TCF4: variants seen among roughly 807,000 people sequenced by gnomAD.
TCF4 encodes the protein SL3-3 enhancer factor 2.
A neutral mutation model predicts 82.1 loss-of-function variants in TCF4; 3 were observed. That is an observed-to-expected ratio of 0.04 (90% CI 0.02 to 0.09). The LOEUF (loss-of-function observed/expected upper bound fraction) is 0.09. Ranked by LOEUF, TCF4 falls within the 10% of genes least tolerant of loss-of-function variation. The pLI is 1.00. For missense variants in TCF4, 518 were observed against 852.7 expected (o/e 0.61, Z 4.89); for synonymous variants, 276 against 309.6 (o/e 0.89, Z 1.14).
At chr18:55,549,492 C>T (rs2097239422) in intron 3 of TCF4, among the ~76,000 whole-genome samples, 1 of 152,046 alleles carries the variant, frequency 6.6e-6, no homozygotes, top group South Asian at 2.1e-4. Flanking sequence ...ATTTTATAAG[C>T]TTTTTTTACT....
intron 3 of TCF4, among the ~76,000 whole-genome samples, chr18:55,577,082 TTATATATACATTTATATATTTATATATG>T (rs1555777067): frequency 6.8e-5 from 10 of 146,200 alleles, no homozygotes; most frequent in African/African-American, 1.2e-4. Flanking sequence ...TATATATATA[TTATATATACATTTATATATTTATATATG>T]TATATATACA....
chr18:55,382,502 T>C (rs1047783950), intron 6 of TCF4, among the ~76,000 whole-genome samples: 1 of 152,084 alleles, frequency 6.6e-6, no homozygotes, highest in African/African-American at 2.4e-5. Flanking sequence ...AAAAAAGTCT[T>C]AGAATTAATT....
chr18:55,351,469 C>A, intron 6 of TCF4, among the ~76,000 whole-genome samples: 1 of 151,930 alleles, frequency 6.6e-6, no homozygotes, highest in African/African-American at 2.4e-5. Flanking sequence ...CTCTCTGTAC[C>A]GCATATCATG....
chr18:55,264,589 ATTTTTTT>A (rs752566917), intron 11 of TCF4: 5 of 141,790 alleles, frequency 3.5e-5, no homozygotes, highest in African/African-American at 1.3e-4. Flanking sequence ...AAGTGGCAGA[ATTTTTTT>A]TTTTTTTTTG....
intron 8 of TCF4, among the ~76,000 whole-genome samples, chr18:55,330,453 C>T (rs765014335): frequency 2.2e-4 from 33 of 151,868 alleles, no homozygotes; most frequent in African/African-American, 7.3e-5. Context: ...GCTGGGATTA[C>T]AAGTGTTAGC....
At chr18:55,504,044 G>A (rs2096727889) in intron 3 of TCF4, among the ~76,000 whole-genome samples, 1 of 152,118 alleles carries the variant, frequency 6.6e-6, no homozygotes, top group Non-Finnish European at 1.5e-5. Flanking sequence ...ACTCCAGCCT[G>A]GGCAACAGAC....
At position 55,225,538 on chromosome 18, in the gene TCF4, T is replaced by C. The variant is rs769103257; in HGVS notation, c.*2497A>G. ...GATCAGAGTATACCTGCTTCCTATATAATATTGTTCCTAGGGATACCCGCC... is the reference window on the plus strand; with the variant it reads ...GATCAGAGTATACCTGCTTCCTATACAATATTGTTCCTAGGGATACCCGCC... On this transcript the variant is annotated 3_prime_UTR_variant, in exon 20 of 20. Coordinates refer to ENST00000354452, the MANE Select transcript of TCF4 (RefSeq NM_001083962.2). The C allele has an allele frequency of 6.6e-6, 1 of 152,552 alleles. No individual in the cohort carries two copies. Among genetic ancestry groups the C allele is most frequent in the Non-Finnish European group, 1.5e-5 (1 of 67,972 alleles). The allele number at this position is 152,552 out of a possible 1,614,324, so 9.4% of individuals were successfully genotyped here.
chr18:55,314,160 AG>A (rs1173393912), intron 8 of TCF4, among the ~76,000 whole-genome samples: 1 of 152,134 alleles, frequency 6.6e-6, no homozygotes, highest in Non-Finnish European at 1.5e-5. Context: ...ACACACAAAA[AG>A]GCACTACAAA....
At chr18:55,440,667 C>A (rs993635782) in intron 5 of TCF4, among the ~76,000 whole-genome samples, 21 of 152,144 alleles carry the variant, frequency 1.4e-4, no homozygotes, top group Middle Eastern at 3.2e-3. Flanking sequence ...AATCTTTCTT[C>A]TTTTTGGCAC....
At chr18:55,307,073 T>G (rs2070619732) in intron 8 of TCF4, among the ~76,000 whole-genome samples, 2 of 152,216 alleles carry the variant, frequency 1.3e-5, no homozygotes, top group Non-Finnish European at 2.9e-5. Context: ...TTGCAAAATT[T>G]TTATTTTCCC....
chr18:55,409,071 T>C (rs1296446275), intron 5 of TCF4, among the ~76,000 whole-genome samples: 1 of 152,182 alleles, frequency 6.6e-6, no homozygotes, highest in Admixed American at 6.5e-5. Context: ...ACAAAGCAAC[T>C]AATTAACAAA....
intron 15 of TCF4, among the ~76,000 whole-genome samples, chr18:55,246,861 T>A (rs2053417373): frequency 6.6e-6 from 1 of 152,168 alleles, no homozygotes. Flanking sequence ...TATCCTAATT[T>A]AAAGAAAAAC....
In TCF4 at chr18:55,588,116, C is replaced by CG. The variant is rs2097670716; in HGVS notation, c.-100dup. 2.9e-6 allele frequency: 3 copies of CG among 1,037,956 alleles called. No homozygotes were observed. In the South Asian group the frequency reaches 1.3e-4, roughly 45 times the overall value. The allele number at this position is 1,037,956 out of a possible 1,614,324, so 64.3% of individuals were successfully genotyped here. ...CATGTCTAACCGCCGCCGCCACCGC[C>CG]GCCGCCTGCTCCTGCGCCCGCTCCC... On this transcript the variant is annotated 5_prime_UTR_variant, in exon 1 of 20. Transcript: ENST00000354452.
chr18:55,234,378 T>C, intron 16 of TCF4, 170 bp downstream of exon 16: 1 of 857,562 alleles, frequency 1.2e-6, no homozygotes, highest in Non-Finnish European at 1.8e-6. Context: ...AGAAACACAA[T>C]TAGCGGGCGA....
At chr18:55,621,943 CTA>C (rs10566897) in intron 2 of TCF4, among the ~76,000 whole-genome samples, 112,756 of 113,778 alleles carry the variant, frequency 0.99, 55,873 homozygotes, top group South Asian at 1. Context: ...TATATATACA[CTA>C]TATATATTAT....
chr18:55,585,654 G>GC, intron 2 of TCF4: 2 of 707,078 alleles, frequency 2.8e-6, no homozygotes, highest in South Asian at 6.8e-5. Context: ...TTGGAGGCCA[G>GC]CAGCCTCTCT....
At chr18:55,520,662 C>T (rs955019102) in intron 3 of TCF4, among the ~76,000 whole-genome samples, 4 of 151,972 alleles carry the variant, frequency 2.6e-5, no homozygotes, top group Non-Finnish European at 5.9e-5. Context: ...ACTTTTGAAC[C>T]GGAACACACG....
intron 10 of TCF4, among the ~76,000 whole-genome samples, chr18:55,271,709 C>T (rs1009183038): frequency 2.2e-4 from 34 of 152,092 alleles, no homozygotes; most frequent in Non-Finnish European, 3.1e-4. Context: ...TTTCTACTTG[C>T]CACCTAATGA....
chr18:55,484,894 T>C (rs1045260429), intron 3 of TCF4, among the ~76,000 whole-genome samples: 1 of 152,348 alleles, frequency 6.6e-6, no homozygotes, highest in Admixed American at 6.5e-5. Context: ...TTTGTTCACA[T>C]AGCCACCACT....
Sources: gnomAD v4.1 joint callset for allele counts (sites outside exome capture counted in the v4.1 genomes callset) on GRCh38, gnomAD v4.1.1 for gene constraint, MANE v1.5 for transcripts, NCBI Gene and HGNC (gene_info 2026-07-23, HGNC 2026-07-21) for gene names.